The following SLC23A2 variants were observed in gnomAD, a reference collection of about 807,000 sequenced individuals.
The protein encoded by SLC23A2 is Na(+)/L-ascorbic acid transporter 2.
Under a neutral mutation model 73.3 loss-of-function variants are expected in SLC23A2, and 36 were observed. That is an observed-to-expected ratio of 0.49 (90% CI 0.38 to 0.65). The LOEUF is 0.65. SLC23A2 is among the 30% of genes least tolerant of loss of function. The pLI is 0.00. For missense variants in SLC23A2, 507 were observed against 841.6 expected, an observed-to-expected ratio of 0.60 and a Z score of 4.92; for synonymous variants, 343 against 327.3, an observed-to-expected ratio of 1.05 and a Z score of -0.52.
chr20:4,894,689 A>G (rs1245800810), intron 6 of SLC23A2, among the ~76,000 whole-genome samples: 1 of 151,986 alleles, frequency 6.6e-6, no homozygotes, highest in Non-Finnish European at 1.5e-5. Context: ...AAAAGTATTT[A>G]CCCCAAGTTC....
intron 1 of SLC23A2, among the ~76,000 whole-genome samples, chr20:4,974,940 C>T (rs1276783711): frequency 6.6e-6 from 1 of 151,980 alleles, no homozygotes; most frequent in South Asian, 2.1e-4. Context: ...GGGCCCACCA[C>T]CACACCTGGC....
At position 4,853,425 on chromosome 20, in the gene SLC23A2, T is replaced by C. The variant is rs1265085015; in HGVS notation, c.*3547A>G. 2 of 152,650 alleles carry C rather than the reference T, an allele frequency of 1.3e-5. No homozygotes were observed. Among genetic ancestry groups the C allele is most frequent in the African/African-American group, 4.8e-5 (2 of 41,444 alleles). 9.5% of individuals were successfully genotyped at this position (152,650 alleles called of 1,614,324 possible). ...GCCAACTTTAAGTTGCTAGTACCAATATTTCAGCAGGGATATGAATGAAAG... is the reference window on the plus strand; with the variant it reads ...GCCAACTTTAAGTTGCTAGTACCAACATTTCAGCAGGGATATGAATGAAAG... On this transcript the variant is annotated 3_prime_UTR_variant, in exon 17 of 17. Transcript: ENST00000338244.
chr20:4,908,207 T>C (rs990016507), intron 4 of SLC23A2, among the ~76,000 whole-genome samples: 5 of 152,150 alleles, frequency 3.3e-5, no homozygotes, highest in African/African-American at 1.2e-4. Flanking sequence ...AAGCTAAATA[T>C]TGAAAATGCC....
intron 2 of SLC23A2, among the ~76,000 whole-genome samples, chr20:4,933,086 G>C (rs1198153658): frequency 2.0e-5 from 3 of 152,160 alleles, no homozygotes; most frequent in African/African-American, 4.8e-5. Context: ...CTATCCAACA[G>C]AGTCATGTGG....
rs568329416 is a variant in SLC23A2 at position 4,926,472 on chromosome 20, T to C, written c.108+5983A>G. 1.8e-4 allele frequency among the ~76,000 whole-genome samples: 27 copies of C among 151,910 alleles called. 1 individual carries two copies. The highest frequency in any genetic ancestry group is 8.3e-4 in the South Asian group (4 of 4,800). On this transcript the variant is annotated intron_variant, in intron 3 of 16. Transcript: ENST00000338244. Reference sequence around the variant, plus strand: ...CTTCCTGTCTGTACTTTGGGATCAATGTCCCTAGGGTACGATCGTTCATCA... The same window carrying C: ...CTTCCTGTCTGTACTTTGGGATCAACGTCCCTAGGGTACGATCGTTCATCA...
intron 15 of SLC23A2, 115 bp from the exon 16 acceptor site, chr20:4,859,499 A>G: frequency 1.3e-6 from 1 of 741,056 alleles, no homozygotes; most frequent in Non-Finnish European, 2.5e-6. Flanking sequence ...CAGGAAAGGA[A>G]AGTGTACATT....
rs1301657332 is a variant in SLC23A2, at chr20:4,902,424, C to A, written c.324+18G>T. ...AAACACCTGCTGGTAGTTACACATCCTACAGGAACCATCTTACCTGTAGCC... is the reference window on the plus strand; with the variant it reads ...AAACACCTGCTGGTAGTTACACATCATACAGGAACCATCTTACCTGTAGCC... On this transcript the variant is annotated intron_variant, in intron 5 of 16. Coordinates refer to ENST00000338244, the MANE Select transcript of SLC23A2 (RefSeq NM_005116.6). The surrounding 1 kb of genome is among the most constrained non-coding windows in gnomAD (Gnocchi z 4.0). The A allele has an allele frequency of 3.7e-6, 5 of 1,360,944 alleles. No homozygotes were observed. The highest frequency in any genetic ancestry group is 5.2e-6 in the Non-Finnish European group (5 of 959,858). 84.3% of individuals were successfully genotyped at this position (1,360,944 alleles called of 1,614,324 possible).
chr20:4,920,978 A>G (rs75783738), intron 3 of SLC23A2, among the ~76,000 whole-genome samples: 2,244 of 152,338 alleles, frequency 0.015, 57 homozygotes, highest in African/African-American at 0.05. Flanking sequence ...AGGCACAATG[A>G]AAGAATATAA....
intron 2 of SLC23A2, among the ~76,000 whole-genome samples, chr20:4,953,448 C>T (rs1345658043): frequency 1.3e-5 from 2 of 151,938 alleles, no homozygotes; most frequent in African/African-American, 4.8e-5. Context: ...GAATCATAGG[C>T]CTTAACTATG....
At position 4,883,892 on chromosome 20, in the gene SLC23A2, C is replaced by A; in HGVS notation, c.643-69G>T. 1 of 1,056,060 alleles carries A rather than the reference C, an allele frequency of 9.5e-7. No individual in the cohort carries two copies. The allele number at this position is 1,056,060 out of a possible 1,614,324, so 65.4% of individuals were successfully genotyped here. On this transcript the variant is annotated intron_variant, in intron 8 of 16. Transcript: ENST00000338244. The surrounding 1 kb of genome is among the most constrained non-coding windows in gnomAD (Gnocchi z 4.5). ...CACTGCACACTCAGAATGTCACCTA[C>A]AACCACAACTGATAATTCTGCAAGG...
rs185024796 is a variant in SLC23A2, at chr20:5,008,344, C to T, written c.-282+1838G>A. 3.9e-5 allele frequency among the ~76,000 whole-genome samples: 6 copies of T among 152,290 alleles called. No homozygotes were observed. The East Asian group carries it at 1.2e-3, about 29-fold the overall frequency. On this transcript the variant is annotated intron_variant, in intron 1 of 16. Transcript: ENST00000379333. ...TGAAAAAAGAGAGCGTTTAAATGCA[C>T]ACACCCTGAACTCAGAATGTTAGTT...
chr20:5,000,320 T>A (rs1056608124), intron 1 of SLC23A2, among the ~76,000 whole-genome samples: 2 of 152,014 alleles, frequency 1.3e-5, no homozygotes, highest in Non-Finnish European at 2.9e-5. Context: ...AAAATAAAAA[T>A]GCTCCAGCCA....
chr20:4,860,150 G>A (rs962373497), intron 15 of SLC23A2, among the ~76,000 whole-genome samples: 3 of 152,166 alleles, frequency 2.0e-5, no homozygotes, highest in African/African-American at 4.8e-5. Flanking sequence ...ATGAAAACAA[G>A]TACTCAAATA....
At chr20:4,965,252 A>C (rs868731605) in intron 2 of SLC23A2, among the ~76,000 whole-genome samples, 7 of 152,154 alleles carry the variant, frequency 4.6e-5, no homozygotes, top group Admixed American at 6.5e-5. Context: ...TGAGTAACTT[A>C]GGAAACCAAA....
At chr20:4,989,108 G>A (rs1187108752) in intron 1 of SLC23A2, among the ~76,000 whole-genome samples, 6 of 150,352 alleles carry the variant, frequency 4.0e-5, no homozygotes, top group African/African-American at 1.5e-4. Context: ...GCATGGTGGT[G>A]GGTGCCTGTA....
In SLC23A2 at chr20:4,862,697, T is replaced by C. The variant is rs191802547; in HGVS notation, c.1486+81A>G. 1,540 of 1,277,156 alleles carry C rather than the reference T, an allele frequency of 1.2e-3. 1 individual carries two copies. The highest frequency in any genetic ancestry group is 1.5e-3 in the Non-Finnish European group (1,378 of 909,616). 79.1% of individuals were successfully genotyped at this position (1,277,156 alleles called of 1,614,324 possible). The stretch of plus-strand genomic sequence containing the variant: ...TAGAAATTTATCGTTACCTTCTTAC[T>C]GAAGGGAGTCAGCAAAAACACCATG... On this transcript the variant is annotated intron_variant, in intron 14 of 16. Transcript: ENST00000338244. This position sits in a 1 kb window ranked among gnomAD's most constrained non-coding sequence, Gnocchi z 5.1.
chr20:4,987,889 CACTTCTTGAAT>C (rs2087857650), intron 1 of SLC23A2, among the ~76,000 whole-genome samples: 1 of 150,960 alleles, frequency 6.6e-6, no homozygotes, highest in Admixed American at 6.6e-5. Flanking sequence ...GTAATTAGGA[CACTTCTTGAAT>C]ACCACTAAAG....
At chr20:4,875,444 G>T (rs1350450474) in intron 9 of SLC23A2, among the ~76,000 whole-genome samples, 1 of 152,148 alleles carries the variant, frequency 6.6e-6, no homozygotes, top group East Asian at 1.9e-4. Context: ...AAGATCACAC[G>T]GCTAGGGTTG....
At chr20:4,985,566 G>A (rs1282012908) in intron 1 of SLC23A2, among the ~76,000 whole-genome samples, 1 of 151,754 alleles carries the variant, frequency 6.6e-6, no homozygotes, top group East Asian at 1.9e-4. Flanking sequence ...CCCCACCTCA[G>A]CCTGCCTAGT....
Sources: gnomAD v4.1 joint callset for allele counts (sites outside exome capture counted in the v4.1 genomes callset) on GRCh38, gnomAD v4.1.1 for gene constraint, Gnocchi (gnomAD v3.1) non-coding constraint, MANE v1.5 for transcripts, NCBI Gene and HGNC (gene_info 2026-07-23, HGNC 2026-07-21) for gene names.